Variants in DHX29 observed in about 807,000 individuals in gnomAD.
The protein encoded by DHX29 is ATP-dependent RNA helicase DHX29.
In DHX29, 79 loss-of-function variants were observed where a neutral mutation model predicts 167.9. The observed-to-expected ratio is 0.47, with a 90% CI of 0.39 to 0.57. The LOEUF is 0.57. Ranked by LOEUF, DHX29 falls within the 20% of genes least tolerant of loss-of-function variation. The pLI is 0.00. For missense variants in DHX29, 1,347 were observed against 1,593.4 expected, an observed-to-expected ratio of 0.85 and a Z score of 2.63; for synonymous variants, 530 against 546.0, an observed-to-expected ratio of 0.97 and a Z score of 0.41.
intron 6 of DHX29, among the ~76,000 whole-genome samples, chr5:55,291,806 C>T (rs889229320): frequency 1.3e-5 from 2 of 152,204 alleles, no homozygotes; most frequent in African/African-American, 2.4e-5. Context: ...TTTCACTTAG[C>T]ATAATGTCGG....
rs767221508 is a variant in DHX29, at chr5:55,274,878, G to T, written c.2560C>A (p.Leu854Ile). Residue 854 changes from leucine (L) to isoleucine (I), a missense_variant, in exon 15 of 27, where the codon CTT (leucine) becomes ATT (isoleucine). Physicochemically the swap from Leu to Ile is conservative, Grantham distance 5. Coordinates refer to ENST00000251636, the MANE Select transcript of DHX29 (RefSeq NM_019030.4). Reference sequence around the variant, plus strand: ...AATAGAAATATACCTAAGTATGCAAGAAGTTCCAAAATGAGATCCAGGTTG... The same window carrying T: ...AATAGAAATATACCTAAGTATGCAATAAGTTCCAAAATGAGATCCAGGTTG... Reference protein sequence around the residue: ...KINLDLILELLAYLDKSPQFR... With the variant: ...KINLDLILELIAYLDKSPQFR... 1.2e-6 allele frequency: 2 copies of T among 1,613,240 alleles called. No homozygotes were observed. The highest frequency in any genetic ancestry group is 1.7e-6 in the Non-Finnish European group (2 of 1,179,710).
intron 13 of DHX29, among the ~76,000 whole-genome samples, chr5:55,276,668 G>A (rs1339592112): frequency 6.6e-6 from 1 of 152,250 alleles, no homozygotes; most frequent in Middle Eastern, 3.4e-3. Flanking sequence ...GATTGTATCA[G>A]CTGAACTGAA....
At chr5:55,291,651 C>T (rs1454394112) in intron 6 of DHX29, among the ~76,000 whole-genome samples, 2 of 152,160 alleles carry the variant, frequency 1.3e-5, no homozygotes, top group East Asian at 3.9e-4. Context: ...AAACATGAAA[C>T]TCTATTCCCA....
At position 55,289,443 on chromosome 5, in the gene DHX29, A is replaced by G; in HGVS notation, c.908-15T>C. On this transcript the variant is annotated splice_polypyrimidine_tract_variant and intron_variant, in intron 7 of 26. Transcript: ENST00000251636. ...AGTTTCCATTTCTACCAAGAAAAAA[A>G]TATAATGTTTAGTTTCATGGTTTTA... 1 of 1,516,054 alleles carries G rather than the reference A, an allele frequency of 6.6e-7. No individual in the cohort carries two copies. The highest frequency in any genetic ancestry group is 8.7e-7 in the Non-Finnish European group (1 of 1,143,104). 93.9% of individuals were successfully genotyped at this position (1,516,054 alleles called of 1,614,324 possible).
Position 55,283,717 on chromosome 5 carries a change from G to C in DHX29, c.1451C>G (p.Thr484Ser). Residue 484 changes from threonine (T) to serine (S), a missense_variant, in exon 11 of 27, where the codon ACC becomes AGC. Transcript: ENST00000251636. ...AATAAAAAGATCACGTGGTTTATTG[G>C]TTTCCATTTTATTTAATTCTTCCCT... is the stretch of plus-strand genomic sequence containing the variant. ...KKREELNKME[T>S]NKPRDLFIAK... is the part of the protein sequence containing the mutation. 1.2e-6 allele frequency: 2 copies of C among 1,613,760 alleles called. No individual in the cohort carries two copies. Among genetic ancestry groups the C allele is most frequent in the Non-Finnish European group, 1.7e-6 (2 of 1,179,922 alleles).
At chr5:55,276,511 A>G (rs1385381118) in intron 13 of DHX29, 105 bp from the exon 14 acceptor site, 15 of 908,252 alleles carry the variant, frequency 1.7e-5, no homozygotes, top group Admixed American at 3.2e-5. Flanking sequence ...CCAAATGTTA[A>G]TTTAGAATAT....
At chr5:55,289,139 C>G in intron 8 of DHX29, 131 bp downstream of exon 8, 1 of 1,027,302 alleles carries the variant, frequency 9.7e-7, no homozygotes, top group Non-Finnish European at 1.3e-6. Context: ...TTCAAGACAG[C>G]TTATAAAGTG....
rs1237479930 is a variant in DHX29 at position 55,281,354 on chromosome 5, A to G, written c.2109+18T>C. ...AAAATATTTCAAATTTTTGAATACA[A>G]CTATAGAATCCACTCACCTCATCTA... On this transcript the variant is annotated intron_variant, in intron 12 of 26. Transcript: ENST00000251636. 5 of 1,536,798 alleles carry G rather than the reference A, an allele frequency of 3.3e-6. No individual in the cohort carries two copies. Among genetic ancestry groups the G allele is most frequent in the African/African-American group, 1.4e-5 (1 of 71,650 alleles).
chr5:55,287,423 A>G (rs1313621974), intron 8 of DHX29, among the ~76,000 whole-genome samples: 1 of 152,110 alleles, frequency 6.6e-6, no homozygotes, highest in Non-Finnish European at 1.5e-5. Flanking sequence ...CCTGGGTGAC[A>G]GAGTGAAGGT....
At chr5:55,291,438 C>A (rs889198265) in intron 6 of DHX29, among the ~76,000 whole-genome samples, 30 of 152,158 alleles carry the variant, frequency 2.0e-4, no homozygotes, top group African/African-American at 6.8e-4. Flanking sequence ...CCAAATAATA[C>A]TTATCCTTTC....
chr5:55,278,917 G>C (rs1747255479), intron 12 of DHX29, among the ~76,000 whole-genome samples: 1 of 152,142 alleles, frequency 6.6e-6, no homozygotes, highest in Non-Finnish European at 1.5e-5. Flanking sequence ...TGCCCTGTAA[G>C]GCCTTGTCAG....
intron 14 of DHX29, among the ~76,000 whole-genome samples, chr5:55,275,242 A>C (rs1296483897): frequency 1.3e-5 from 2 of 152,116 alleles, no homozygotes; most frequent in Non-Finnish European, 2.9e-5. Context: ...GTATAGCAAA[A>C]CCTTTTTATC....
At chr5:55,285,187 T>C (rs1747653051) in intron 10 of DHX29, 106 bp downstream of exon 10, 36 of 1,479,904 alleles carry the variant, frequency 2.4e-5, no homozygotes, top group Non-Finnish European at 3.1e-5. Flanking sequence ...AAATTAGGAA[T>C]AATGAGAAAG....
At chr5:55,296,821 G>T (rs541626953) in intron 3 of DHX29, among the ~76,000 whole-genome samples, 11 of 151,942 alleles carry the variant, frequency 7.2e-5, no homozygotes, top group Non-Finnish European at 1.0e-4. Context: ...CATCTTTATA[G>T]ATAAAGATAA....
chr5:55,290,005 T>G (rs1300323922), intron 7 of DHX29, among the ~76,000 whole-genome samples: 1 of 152,222 alleles, frequency 6.6e-6, no homozygotes, highest in Non-Finnish European at 1.5e-5. Flanking sequence ...GCTGCTTTTG[T>G]GCTGTAACAG....
Position 55,270,638 on chromosome 5 carries a change from C to A in DHX29, c.2933G>T (p.Arg978Leu), listed in dbSNP as rs770820774. Reference sequence around the variant, plus strand: ...TCTGACCCGCCCAGCTCTTCCCTGGCGCTGCAAAGCACTGGCTTTACTGAC... The same window carrying A: ...TCTGACCCGCCCAGCTCTTCCCTGGAGCTGCAAAGCACTGGCTTTACTGAC... ...TFVSKASALQ[R>L]QGRAGRVRDG... The change falls in exon 19 of 27, where the codon CGC becomes CTC. Residue 978 changes from arginine (R) to leucine (L), a missense_variant. Arg to Leu is a moderately radical substitution (Grantham distance 102). Coordinates refer to ENST00000251636, the MANE Select transcript of DHX29 (RefSeq NM_019030.4). 6.2e-7 allele frequency: 1 copy of A among 1,614,174 alleles called. No individual in the cohort carries two copies. The highest frequency in any genetic ancestry group is 1.7e-5 in the Admixed American group (1 of 60,026).
chr5:55,289,793 A>G (rs1436233757), intron 7 of DHX29, among the ~76,000 whole-genome samples: 2 of 152,244 alleles, frequency 1.3e-5, no homozygotes, highest in African/African-American at 2.4e-5. Context: ...TTATGGTATA[A>G]AAATCATAGG....
intron 16 of DHX29, among the ~76,000 whole-genome samples, chr5:55,274,086 CAAAAAAAAAA>C (rs201970753): frequency 1.4e-5 from 1 of 73,792 alleles, no homozygotes; most frequent in Non-Finnish European, 3.1e-5. Context: ...GACTCTGCCT[CAAAAAAAAAA>C]AAAAAAAAAG....
At chr5:55,257,935 A>C (rs1173733247) in intron 26 of DHX29, among the ~76,000 whole-genome samples, 1 of 152,262 alleles carries the variant, frequency 6.6e-6, no homozygotes, top group Non-Finnish European at 1.5e-5. Flanking sequence ...CCCACGTCTT[A>C]ATATGTTAAG....
Sources: gnomAD v4.1 joint callset for allele counts (sites outside exome capture counted in the v4.1 genomes callset) on GRCh38, gnomAD v4.1.1 for gene constraint, MANE v1.5 for transcripts, NCBI Gene and HGNC (gene_info 2026-07-23, HGNC 2026-07-21) for gene names.